DEAF1: variants seen among roughly 807,000 people sequenced by gnomAD.
DEAF1 encodes the protein deformed epidermal autoregulatory factor 1 homolog.
A neutral mutation model predicts 58.9 loss-of-function variants in DEAF1; 53 were observed. The ratio of observed to expected loss-of-function variants is 0.90; its 90% CI spans 0.72 to 1.13. The LOEUF is 1.13. DEAF1 is among the 50% of genes most tolerant of loss of function. The pLI is 0.00. For synonymous variants in DEAF1, 385 were observed against 340.4 expected (o/e 1.13, Z -1.44); for missense variants, 685 against 791.4 (o/e 0.87, Z 1.61).
intron 7 of DEAF1, 57 bp downstream of exon 7, chr11:680,906 G>A: frequency 6.2e-7 from 1 of 1,612,908 alleles, no homozygotes; most frequent in East Asian, 2.2e-5. Context: ...GGTGACGAGA[G>A]AAGGCAATGC....
At chr11:682,047 TC>T (rs769751073) in intron 6 of DEAF1, among the ~76,000 whole-genome samples, 1 of 152,242 alleles carries the variant, frequency 6.6e-6, no homozygotes, top group Non-Finnish European at 1.5e-5. Flanking sequence ...TGTTTATTAC[TC>T]AGGTACGGAG....
At position 691,573 on chromosome 11, in the gene DEAF1, G is replaced by C. The variant is rs752503742; in HGVS notation, c.315C>G (p.Asn105Lys). The C allele has an allele frequency of 1.2e-6, 2 of 1,613,580 alleles. No homozygotes were observed. Among genetic ancestry groups the C allele is most frequent in the Non-Finnish European group, 1.7e-6 (2 of 1,180,000 alleles). ...AGACATTGTCTGCAGCAGCCCCCAC[G>C]TTGGCCACTGTCACTGTGGTCACCT... Reference protein sequence around the residue: ...FAEVTTVTVANVGAAADNVFT... With the variant: ...FAEVTTVTVAKVGAAADNVFT... Residue 105 changes from asparagine to lysine, a missense_variant, in exon 2 of 12, where the codon AAC becomes AAG. Physicochemically the swap from Asn to Lys is moderately conservative, Grantham distance 94. Transcript: ENST00000382409.
chr11:703,545 C>T lies in DEAF1; in HGVS notation c.-438+3027G>A, dbSNP rs1485383335. On this transcript the variant is annotated intron_variant, in intron 1 of 11. Coordinates refer to the DEAF1 transcript ENST00000683307. ...TCATCTCACTGCATCCCCCATCACC[C>T]CCTAGTTCCCCAATGGTCCTAATTT... The T allele has an allele frequency of 5.7e-6, 7 of 1,234,140 alleles. 1 individual carries two copies. The highest frequency in any genetic ancestry group is 6.2e-4 in the Middle Eastern group (2 of 3,236). The allele number at this position is 1,234,140 out of a possible 1,614,324, so 76.4% of individuals were successfully genotyped here.
At chr11:652,490 T>C (rs1858821526) in intron 11 of DEAF1, among the ~76,000 whole-genome samples, 1 of 151,932 alleles carries the variant, frequency 6.6e-6, no homozygotes, top group South Asian at 2.1e-4. Flanking sequence ...ACATAAAAAT[T>C]AGCCGGGGGT....
At chr11:703,365 G>C (rs1015693526) in intron 1 of DEAF1, 1 of 1,395,010 alleles carries the variant, frequency 7.2e-7, no homozygotes, top group African/African-American at 1.5e-5. Flanking sequence ...CAGCTGCGGG[G>C]AGGGTAGGGA....
At chr11:701,781 C>T (rs1258930962) in intron 1 of DEAF1, among the ~76,000 whole-genome samples, 1 of 152,190 alleles carries the variant, frequency 6.6e-6, no homozygotes, top group Non-Finnish European at 1.5e-5. Context: ...CCACCTTGGC[C>T]TCCCAAAGTG....
chr11:687,465 T>C (rs1223697801), intron 4 of DEAF1, among the ~76,000 whole-genome samples: 1 of 152,248 alleles, frequency 6.6e-6, no homozygotes, highest in Non-Finnish European at 1.5e-5. Flanking sequence ...GAACTGGGTG[T>C]CACCTGCACC....
intron 1 of DEAF1, chr11:704,212 C>T (rs1861623433): frequency 2.1e-6 from 2 of 963,896 alleles, no homozygotes; most frequent in Non-Finnish European, 2.7e-6. Context: ...GCCAGCTGGT[C>T]AGTTCCTGGC....
chr11:645,055 C>T (rs1209376720), intron 11 of DEAF1, among the ~76,000 whole-genome samples: 3 of 150,936 alleles, frequency 2.0e-5, no homozygotes, highest in East Asian at 2.0e-4. Flanking sequence ...CCCAGCTACT[C>T]GGGAAGCTGA....
In DEAF1 at chr11:688,541, A is replaced by G; in HGVS notation, c.388-81T>C. ...ACTGAGCCCAGCTGGGCCGTCCTCC[A>G]GCAGGGCTCTCTGGCTGTTCTCACC... On this transcript the variant is annotated intron_variant, in intron 2 of 11. Transcript: ENST00000382409. This position sits in a 1 kb window ranked among gnomAD's most constrained non-coding sequence, Gnocchi z 4.3. The G allele has an allele frequency of 6.3e-7, 1 of 1,578,726 alleles. No homozygotes were observed. The highest frequency in any genetic ancestry group is 1.3e-5 in the African/African-American group (1 of 74,436).
At chr11:701,283 G>A (rs10902198) in intron 1 of DEAF1, among the ~76,000 whole-genome samples, 99,111 of 151,680 alleles carry the variant, frequency 0.65, 33,109 homozygotes, top group East Asian at 0.75. Context: ...GGGCTTGAGC[G>A]ATCCTCCTGC....
chr11:647,803 G>C (rs1489643818), intron 11 of DEAF1, among the ~76,000 whole-genome samples: 2 of 151,618 alleles, frequency 1.3e-5, no homozygotes, highest in Non-Finnish European at 3.0e-5. Context: ...ACTCAATCCA[G>C]GCAGTGCTGG....
intron 1 of DEAF1, chr11:704,399 G>T (rs545624956): frequency 8.1e-7 from 1 of 1,239,676 alleles, no homozygotes; most frequent in East Asian, 5.6e-5. Context: ...GGAGCACCCA[G>T]TTGTCCTGGG....
chr11:699,203 G>GA, upstream of DEAF1: 1 of 446,142 alleles, frequency 2.2e-6, no homozygotes, highest in East Asian at 3.5e-5. Flanking sequence ...TTTGTCCCTA[G>GA]ATTCATTTTA....
chr11:701,331 G>C (rs1408053262), intron 1 of DEAF1, among the ~76,000 whole-genome samples: 25 of 151,434 alleles, frequency 1.7e-4, no homozygotes, highest in Admixed American at 1.6e-3. Flanking sequence ...TGGGATTACA[G>C]GCACCTGCCA....
intron 1 of DEAF1, chr11:706,460 TCGAGTCCCCACCTCTCCTGGA>T (rs1413548163): frequency 1.3e-5 from 2 of 152,394 alleles, no homozygotes; most frequent in Admixed American, 1.3e-4. Flanking sequence ...GGGGGCCTGG[TCGAGTCCCCACCTCTCCTGGA>T]CGGGTCCTGC....
chr11:685,079 A>ATTAT, intron 5 of DEAF1, 116 bp from the exon 6 acceptor site: 9 of 595,192 alleles, frequency 1.5e-5, no homozygotes, highest in East Asian at 4.4e-5. Flanking sequence ...AAATATAAAA[A>ATTAT]TTCTTTTTTT....
intron 11 of DEAF1, among the ~76,000 whole-genome samples, chr11:647,403 C>T (rs1858548148): frequency 1.3e-5 from 2 of 152,140 alleles, no homozygotes; most frequent in African/African-American, 2.4e-5. Context: ...TGCAGTGAGC[C>T]AAGATCGCGC....
rs370667147 is a variant in DEAF1, at chr11:700,712, G to A, written c.-438+5860C>T. On this transcript the variant is annotated intron_variant, in intron 1 of 11. Coordinates refer to the DEAF1 transcript ENST00000683307. ...AAGCAGTTCGGTTATACCTGGGTGA[G>A]TGGACTGTTAACACCGTGAAGAACC... The A allele has an allele frequency of 5.5e-5, 89 of 1,612,486 alleles. No homozygotes were observed. The African/African-American group carries it at 6.4e-4, about 12-fold the overall frequency.
Sources: gnomAD v4.1 joint callset for allele counts (sites outside exome capture counted in the v4.1 genomes callset) on GRCh38, gnomAD v4.1.1 for gene constraint, Gnocchi (gnomAD v3.1) non-coding constraint, MANE v1.5 for transcripts, NCBI Gene and HGNC (gene_info 2026-07-23, HGNC 2026-07-21) for gene names.